RAPGEF2: variants seen among roughly 807,000 people sequenced by gnomAD.
RAPGEF2 encodes Rap guanine nucleotide exchange factor 2, also known as PDZ domain containing guanine nucleotide exchange factor (GEF) 1.
A neutral mutation model predicts 186.7 loss-of-function variants in RAPGEF2; 54 were observed. That is an observed-to-expected ratio of 0.29 (90% confidence interval 0.23 to 0.36). The LOEUF (loss-of-function observed/expected upper bound fraction) is 0.36. Among genes scored for constraint, RAPGEF2 ranks in the 10% least tolerant of loss-of-function variants. The pLI is 1.00. For missense variants in RAPGEF2, 1,532 were observed against 2,045.0 expected (o/e 0.75, Z 4.84); for synonymous variants, 712 against 705.9 (o/e 1.01, Z -0.14).
At chr4:159,109,948 A>G (rs541971618) in intron 1 of RAPGEF2, among the ~76,000 whole-genome samples, 2 of 152,318 alleles carry the variant, frequency 1.3e-5, no homozygotes, top group South Asian at 4.2e-4. Context: ...GAGTTCTGTT[A>G]AAGACTGATG....
At chr4:159,227,724 C>G (rs1057037391) in intron 4 of RAPGEF2, among the ~76,000 whole-genome samples, 1 of 152,236 alleles carries the variant, frequency 6.6e-6, no homozygotes, top group Non-Finnish European at 1.5e-5. Context: ...ACTGCTTGCT[C>G]TCTTCACCCC....
At chr4:159,254,240 T>C (rs1755857059) in intron 7 of RAPGEF2, among the ~76,000 whole-genome samples, 1 of 152,210 alleles carries the variant, frequency 6.6e-6, no homozygotes, top group African/African-American at 2.4e-5. Flanking sequence ...AGTTACATAG[T>C]AGTAGTGATG....
intron 1 of RAPGEF2, among the ~76,000 whole-genome samples, chr4:159,159,394 A>G (rs1034300534): frequency 4.6e-5 from 7 of 151,260 alleles, no homozygotes; most frequent in African/African-American, 1.7e-4. Flanking sequence ...GGATCAACCT[A>G]TAGATGTTTT....
At chr4:159,138,286 A>G (rs1260525059) in intron 1 of RAPGEF2, among the ~76,000 whole-genome samples, 2 of 152,226 alleles carry the variant, frequency 1.3e-5, no homozygotes, top group Non-Finnish European at 2.9e-5. Context: ...ATCTAAAAGC[A>G]CTGATATAGA....
At chr4:159,357,898 A>G (rs1210644642) in intron 29 of RAPGEF2, among the ~76,000 whole-genome samples, 1 of 152,088 alleles carries the variant, frequency 6.6e-6, no homozygotes, top group Admixed American at 6.5e-5. Context: ...TCTTTTTAAT[A>G]TTGTGTGTAT....
intron 1 of RAPGEF2, among the ~76,000 whole-genome samples, chr4:159,173,714 G>C (rs1216556692): frequency 6.6e-6 from 1 of 152,062 alleles, no homozygotes; most frequent in Admixed American, 6.6e-5. Flanking sequence ...GAGAGAGAGT[G>C]TATGTCTGTG....
In RAPGEF2 at chr4:159,345,324, A is replaced by G. The variant is rs1337102611; in HGVS notation, c.3497A>G (p.Asn1166Ser). ...TLSLQCEPAT[N>S]TLPKNPGDKK... ...TCTCTGCAGTGTGAGCCAGCAACCA[A>G]CACATGTGAGTTTTTCCTTAAAGTG... is the stretch of plus-strand genomic sequence containing the variant. The change falls in exon 24 of 30, where the codon AAC becomes AGC. Residue 1166 changes from asparagine (N) to serine (S), a missense_variant. Around this residue, in one of 4 missense-constraint regions of RAPGEF2, gnomAD observed 117 missense variants for 180.8 expected, o/e 0.65. Transcript: ENST00000691494. 1.2e-6 allele frequency: 2 copies of G among 1,613,942 alleles called. No individual in the cohort carries two copies. Among genetic ancestry groups the G allele is most frequent in the Non-Finnish European group, 1.7e-6 (2 of 1,179,940 alleles).
At chr4:159,265,882 A>G (rs1011486953) in intron 7 of RAPGEF2, among the ~76,000 whole-genome samples, 29 of 152,328 alleles carry the variant, frequency 1.9e-4, no homozygotes, top group African/African-American at 6.3e-4. Context: ...GTTGTGATGG[A>G]TTGATCATGG....
chr4:159,245,385 A>G (rs1164452869), intron 7 of RAPGEF2, among the ~76,000 whole-genome samples: 1 of 152,030 alleles, frequency 6.6e-6, no homozygotes, highest in Non-Finnish European at 1.5e-5. Flanking sequence ...AATTGCTAAA[A>G]AATAAGATTT....
At chr4:159,282,770 A>G (rs779055522) in intron 7 of RAPGEF2, 3 of 349,840 alleles carry the variant, frequency 8.6e-6, no homozygotes, top group African/African-American at 4.4e-5. Context: ...TTGGGGCTGT[A>G]TTTAAATATG....
chr4:159,205,586 T>G (rs1166362260), intron 3 of RAPGEF2, among the ~76,000 whole-genome samples: 1 of 152,168 alleles, frequency 6.6e-6, no homozygotes, highest in East Asian at 1.9e-4. Flanking sequence ...GGGAGGTGAT[T>G]GGATCATGGG....
chr4:159,147,909 G>T (rs949691852), intron 1 of RAPGEF2, among the ~76,000 whole-genome samples: 13 of 152,178 alleles, frequency 8.5e-5, no homozygotes, highest in African/African-American at 3.1e-4. Context: ...TTTTGGCAAT[G>T]CCTGGCACAT....
intron 25 of RAPGEF2, among the ~76,000 whole-genome samples, chr4:159,348,242 AGATGGATGGATGGATGGATGGATG>A (rs57748987): frequency 3.4e-5 from 5 of 145,068 alleles, no homozygotes; most frequent in African/African-American, 5.5e-5. Context: ...ATAGATAGAT[AGATGGATGGATGGATGGATGGATG>A]GATGGATGGA....
chr4:159,153,953 G>A lies in RAPGEF2; in HGVS notation c.70-32689G>A, dbSNP rs556258394. Among the ~76,000 whole-genome samples the A allele has an allele frequency of 5.9e-5, 9 of 152,294 alleles. No homozygotes were observed. In the South Asian group the frequency reaches 6.2e-4, roughly 11 times the overall value. Reference sequence around the variant, plus strand: ...ACTTGAGTAAACAAAAGAAGGGCCCGTGTTTTAATTTTTAAACATTTCTAT... The same window carrying A: ...ACTTGAGTAAACAAAAGAAGGGCCCATGTTTTAATTTTTAAACATTTCTAT... On this transcript the variant is annotated intron_variant, in intron 1 of 29. Coordinates refer to ENST00000691494, the MANE Select transcript of RAPGEF2 (RefSeq NM_001394067.2).
At chr4:159,131,246 G>A (rs1321334242) in intron 1 of RAPGEF2, among the ~76,000 whole-genome samples, 2 of 152,086 alleles carry the variant, frequency 1.3e-5, no homozygotes, top group Non-Finnish European at 2.9e-5. Context: ...GAATAGCTGG[G>A]ATTACAGGCA....
intron 7 of RAPGEF2, among the ~76,000 whole-genome samples, chr4:159,298,503 T>C (rs575439320): frequency 5.3e-5 from 8 of 152,266 alleles, no homozygotes; most frequent in African/African-American, 1.9e-4. Flanking sequence ...AATGAGCTAC[T>C]AAAAAATTTC....
At chr4:159,282,659 C>CTTAG (rs754913243) in intron 7 of RAPGEF2, 17 of 450,812 alleles carry the variant, frequency 3.8e-5, no homozygotes, top group South Asian at 2.4e-4. Flanking sequence ...TCTATTTCTT[C>CTTAG]CTAAGGCTTG....
intron 13 of RAPGEF2, chr4:159,330,756 A>AT (rs1163351680): frequency 5.4e-6 from 2 of 372,096 alleles, no homozygotes; most frequent in Middle Eastern, 7.1e-4. Context: ...ATGTTTAAAC[A>AT]TTTTTTTAAG....
In RAPGEF2 at chr4:159,118,031, A is replaced by G. The variant is rs1229073091; in HGVS notation, c.69+13800A>G. Among the ~76,000 whole-genome samples the G allele has an allele frequency of 2.6e-5, 4 of 152,072 alleles. No homozygotes were observed. In the South Asian group the frequency reaches 8.3e-4, roughly 32 times the overall value. Reference sequence around the variant, plus strand: ...TATTGTAATATTACCAATCTCCTATAATTGTGAAGATTAAATACATTAATG... The same window carrying G: ...TATTGTAATATTACCAATCTCCTATGATTGTGAAGATTAAATACATTAATG... On this transcript the variant is annotated intron_variant, in intron 1 of 29. Coordinates refer to ENST00000691494, the MANE Select transcript of RAPGEF2 (RefSeq NM_001394067.2).
Sources: allele counts gnomAD v4.1 joint callset (sites outside exome capture counted in the v4.1 genomes callset), GRCh38; gene constraint gnomAD v4.1.1; regional missense constraint gnomAD v4.1.1; transcripts MANE v1.5; gene names NCBI Gene and HGNC (gene_info 2026-07-23, HGNC 2026-07-21).